TMEM132D: variants seen among roughly 807,000 people sequenced by gnomAD.
TMEM132D encodes transmembrane protein 132D.
Under a neutral mutation model 62.3 loss-of-function variants are expected in TMEM132D, and 21 were observed. The ratio of observed to expected loss-of-function variants is 0.34; its 90% CI spans 0.24 to 0.49. The LOEUF is 0.49. Ranked by LOEUF, TMEM132D falls within the 20% of genes least tolerant of loss-of-function variation. The probability of loss-of-function intolerance (pLI) is 0.99; values close to 1 mark genes in which losing one functional copy is unlikely to be tolerated. For synonymous variants in TMEM132D, 621 were observed against 575.6 expected, an observed-to-expected ratio of 1.08 and a Z score of -1.13; for missense variants, 1,346 against 1,402.8, an observed-to-expected ratio of 0.96 and a Z score of 0.65.
intron 4 of TMEM132D, among the ~76,000 whole-genome samples, chr12:129,265,346 G>A (rs904746319): frequency 1.3e-5 from 2 of 152,216 alleles, no homozygotes; most frequent in African/African-American, 2.4e-5. Context: ...AATGTCCAGT[G>A]TTGTGGTAGA....
chr12:129,582,958 T>C (rs1376145513), intron 2 of TMEM132D, among the ~76,000 whole-genome samples: 1 of 147,682 alleles, frequency 6.8e-6, no homozygotes, highest in Non-Finnish European at 1.5e-5. Context: ...GGAGACAGAG[T>C]CTCACTCTGT....
At chr12:129,471,195 T>C (rs1874083320) in intron 3 of TMEM132D, among the ~76,000 whole-genome samples, 2 of 140,930 alleles carry the variant, frequency 1.4e-5, no homozygotes, top group South Asian at 4.6e-4. Flanking sequence ...CTTTATCGTG[T>C]TTTGTAGATA....
intron 1 of TMEM132D, among the ~76,000 whole-genome samples, chr12:129,719,950 C>G (rs544380493): frequency 6.6e-6 from 1 of 152,140 alleles, no homozygotes; most frequent in South Asian, 2.1e-4. Flanking sequence ...TATGAGTGAT[C>G]TGGGTGCCTT....
rs1879633302 is a variant in TMEM132D at position 129,231,310 on chromosome 12, G to A, written c.1300-21647C>T. ...AACTTCCATTTGTAACAGAGAATGT[G>A]CATTATGGCCATGTTCTCTTTGATA... On this transcript the variant is annotated intron_variant, in intron 4 of 8. Transcript: ENST00000422113. 3.3e-5 allele frequency among the ~76,000 whole-genome samples: 5 copies of A among 152,282 alleles called. No individual in the cohort carries two copies. In the South Asian group the frequency reaches 1.0e-3, roughly 32 times the overall value.
At chr12:129,173,123 A>G (rs1877785715) in intron 5 of TMEM132D, among the ~76,000 whole-genome samples, 1 of 152,210 alleles carries the variant, frequency 6.6e-6, no homozygotes, top group Non-Finnish European at 1.5e-5. Flanking sequence ...AGAGTTGACC[A>G]AATGTGACAC....
intron 1 of TMEM132D, among the ~76,000 whole-genome samples, chr12:129,818,025 GT>G (rs893873108): frequency 2.7e-5 from 4 of 148,068 alleles, no homozygotes; most frequent in African/African-American, 1.0e-4. Flanking sequence ...GCATCTCTAT[GT>G]GGTGTGGGGT....
chr12:129,876,211 A>G (rs1198674681), intron 1 of TMEM132D, among the ~76,000 whole-genome samples: 2 of 152,196 alleles, frequency 1.3e-5, no homozygotes, highest in East Asian at 3.9e-4. Flanking sequence ...GAGCCGAGAA[A>G]TGTTATTTCC....
At chr12:129,485,585 C>T (rs1195576771) in intron 3 of TMEM132D, among the ~76,000 whole-genome samples, 2 of 152,194 alleles carry the variant, frequency 1.3e-5, no homozygotes, top group Non-Finnish European at 2.9e-5. Context: ...ATGAGGCAGG[C>T]TGCCAGTGTA....
rs763640164 is a variant in TMEM132D at position 129,074,650 on chromosome 12, T to C, written c.2525A>G (p.Tyr842Cys). 13 of 1,614,122 alleles carry C rather than the reference T, an allele frequency of 8.1e-6. No homozygotes were observed. In the East Asian group the frequency reaches 2.0e-4, roughly 25 times the overall value. The change falls in exon 9 of 9, where the codon TAT (tyrosine) becomes TGT (cysteine). Residue 842 changes from tyrosine (Y) to cysteine (C), a missense_variant. Transcript: ENST00000422113. ...CATGAGTCCCATAGAAGAACTGCCATAGTACTGTCCTTCCTGACTCCCCCA... is the reference window on the plus strand; with the variant it reads ...CATGAGTCCCATAGAAGAACTGCCACAGTACTGTCCTTCCTGACTCCCCCA... Reference protein sequence around the residue: ...QEWGSQEGQYYGSSSMGLMEG... With the variant: ...QEWGSQEGQYCGSSSMGLMEG...
chr12:129,310,934 A>T (rs1881957245), intron 4 of TMEM132D, among the ~76,000 whole-genome samples: 1 of 152,180 alleles, frequency 6.6e-6, no homozygotes, highest in African/African-American at 2.4e-5. Flanking sequence ...AGGTCCTAGG[A>T]TAATTCTCAT....
chr12:129,614,064 C>A (rs1170354840), intron 2 of TMEM132D, among the ~76,000 whole-genome samples: 1 of 137,554 alleles, frequency 7.3e-6, no homozygotes, highest in Non-Finnish European at 1.7e-5. Flanking sequence ...CTCCAGAACC[C>A]AAGGGACTGT....
intron 2 of TMEM132D, among the ~76,000 whole-genome samples, chr12:129,696,823 G>A (rs1000472510): frequency 6.6e-6 from 1 of 152,196 alleles, no homozygotes; most frequent in African/African-American, 2.4e-5. Flanking sequence ...ACATTTTCTG[G>A]GATTGAATGA....
intron 5 of TMEM132D, among the ~76,000 whole-genome samples, chr12:129,087,535 GAGA>G (rs1055121351): frequency 6.6e-6 from 1 of 151,466 alleles, no homozygotes; most frequent in African/African-American, 2.4e-5. Flanking sequence ...ACTGCAGCGG[GAGA>G]AGAAGGTCCT....
chr12:129,626,552 G>A (rs934093843), intron 2 of TMEM132D, among the ~76,000 whole-genome samples: 2 of 151,984 alleles, frequency 1.3e-5, no homozygotes, highest in African/African-American at 2.4e-5. Flanking sequence ...CTGCTTTCCA[G>A]GTTCAAGCGA....
intron 5 of TMEM132D, among the ~76,000 whole-genome samples, chr12:129,116,918 CAAAAAAAAAAAAAAA>C (rs60513263): frequency 3.4e-5 from 2 of 58,988 alleles, no homozygotes; most frequent in Non-Finnish European, 5.9e-5. Context: ...AAAATTTCCG[CAAAAAAAAAAAAAAA>C]AAAAAAAAAA....
intron 2 of TMEM132D, among the ~76,000 whole-genome samples, chr12:129,629,993 A>G (rs529451753): frequency 6.6e-6 from 1 of 152,360 alleles, no homozygotes; most frequent in East Asian, 1.9e-4. Flanking sequence ...CTTTGCAGGT[A>G]GCAGGAAGTT....
intron 2 of TMEM132D, among the ~76,000 whole-genome samples, chr12:129,672,904 C>A (rs927011057): frequency 1.2e-4 from 18 of 152,080 alleles, no homozygotes; most frequent in African/African-American, 4.1e-4. Flanking sequence ...TGCACCACCA[C>A]GCCCAGCTAA....
At chr12:129,597,093 G>T (rs1565917230) in intron 2 of TMEM132D, among the ~76,000 whole-genome samples, 1 of 152,134 alleles carries the variant, frequency 6.6e-6, no homozygotes, top group African/African-American at 2.4e-5. Flanking sequence ...TCACTTAGGG[G>T]AATGATATTT....
rs1009271520 is a variant in TMEM132D, at chr12:129,864,504, A to C, written c.79+38757T>G. 3.3e-5 allele frequency among the ~76,000 whole-genome samples: 5 copies of C among 152,176 alleles called. No individual in the cohort carries two copies. The South Asian group carries it at 1.0e-3, about 32-fold the overall frequency. ...CAAGGAGTGGCTGTTTATTTTGACCACTGAAAAAGATAAGGTGTTTTTCCT... is the reference window on the plus strand; with the variant it reads ...CAAGGAGTGGCTGTTTATTTTGACCCCTGAAAAAGATAAGGTGTTTTTCCT... On this transcript the variant is annotated intron_variant, in intron 1 of 8. Transcript: ENST00000422113.
Sources: gnomAD v4.1 joint callset for allele counts (sites outside exome capture counted in the v4.1 genomes callset) on GRCh38, gnomAD v4.1.1 for gene constraint, MANE v1.5 for transcripts, NCBI Gene and HGNC (gene_info 2026-07-23, HGNC 2026-07-21) for gene names.